FREM2: variants seen among roughly 807,000 people sequenced by gnomAD.
The protein encoded by FREM2 is FRAS1 related extracellular matrix 2, also known as FRAS1-related extracellular matrix protein 2.
A neutral mutation model predicts 219.9 loss-of-function variants in FREM2; 119 were observed. That is an observed-to-expected ratio of 0.54 (90% CI 0.47 to 0.63). The LOEUF is 0.63. Among genes scored for constraint, FREM2 ranks in the 30% least tolerant of loss-of-function variants. The pLI is 0.00. For synonymous variants in FREM2, 1,562 were observed against 1,522.8 expected (o/e 1.03, Z -0.60); for missense variants, 4,030 against 3,993.6 (o/e 1.01, Z -0.25).
intron 2 of FREM2, among the ~76,000 whole-genome samples, chr13:38,707,190 C>A (rs1472303491): frequency 1.3e-5 from 2 of 152,092 alleles, no homozygotes; most frequent in African/African-American, 2.4e-5. Context: ...AAACAGTGTA[C>A]CTTCAGATGG....
At chr13:38,819,987 G>A (rs1023344384) in intron 6 of FREM2, among the ~76,000 whole-genome samples, 4 of 152,074 alleles carry the variant, frequency 2.6e-5, no homozygotes, top group Non-Finnish European at 5.9e-5. Context: ...TTTACAAGAT[G>A]AAACAAGCTA....
At chr13:38,851,389 C>A (rs1034478115) in intron 10 of FREM2, among the ~76,000 whole-genome samples, 9 of 152,128 alleles carry the variant, frequency 5.9e-5, no homozygotes, top group African/African-American at 1.9e-4. Context: ...ACAGGGGGAC[C>A]AACAGTTTCC....
chr13:38,688,092 G>C lies in FREM2; in HGVS notation c.748G>C (p.Glu250Gln), dbSNP rs1242936361. The C allele has an allele frequency of 8.1e-6, 13 of 1,609,966 alleles. No homozygotes were observed. Among genetic ancestry groups the C allele is most frequent in the African/African-American group, 2.7e-5 (2 of 74,880 alleles). ...AGGAGCCAGAGAGGGAGGCGCCCCGGAGACTCTCCTGATGGACTGCAAAGC... is the reference window on the plus strand; with the variant it reads ...AGGAGCCAGAGAGGGAGGCGCCCCGCAGACTCTCCTGATGGACTGCAAAGC... ...PGGAREGGAPETLLMDCKAFQ... is the reference protein window; with the variant it reads ...PGGAREGGAPQTLLMDCKAFQ... The change falls in exon 1 of 24, where the codon GAG becomes CAG. Residue 250 changes from glutamate to glutamine, a missense_variant. Glu to Gln is a conservative substitution (Grantham distance 29, BLOSUM62 2). Around this residue, in one of 2 missense-constraint regions of FREM2, gnomAD observed 3,102 missense variants for 2,950.7 expected, o/e 1.05. Transcript: ENST00000280481.
chr13:38,863,344 A>C (rs1017063759), intron 15 of FREM2, among the ~76,000 whole-genome samples: 11 of 152,086 alleles, frequency 7.2e-5, no homozygotes, highest in African/African-American at 2.7e-4. Context: ...GCCACCACGC[A>C]TGGCCAGTTT....
rs1232845834 is a variant in FREM2 at position 38,883,329 on chromosome 13, A to AC, written c.*2545dup. 1 of 152,160 alleles carries AC rather than the reference A, an allele frequency of 6.6e-6. No homozygotes were observed. Among genetic ancestry groups the AC allele is most frequent in the East Asian group, 1.9e-4 (1 of 5,196 alleles). 9.4% of individuals were successfully genotyped at this position (152,160 alleles called of 1,614,324 possible). Reference sequence around the variant, plus strand: ...GTAAATTTTTTGTTAAATAAAATAGACCCTTATGTTTAGCATTTTGTTTTT... The same window carrying AC: ...GTAAATTTTTTGTTAAATAAAATAGACCCCTTATGTTTAGCATTTTGTTTTT... On this transcript the variant is annotated 3_prime_UTR_variant, in exon 24 of 24. Transcript: ENST00000280481.
rs77102726 is a variant in FREM2 at position 38,876,525 on chromosome 13, C to A, written c.8544+143C>A. 6,805 of 751,736 alleles carry A rather than the reference C, an allele frequency of 9.1e-3. 254 individuals carry two copies. In the East Asian group the frequency reaches 0.11, roughly 12 times the overall value. 46.6% of individuals were successfully genotyped at this position (751,736 alleles called of 1,614,324 possible). A position where few individuals can be genotyped will look rare whatever the true frequency, so the allele number is the denominator to read the frequency against. ...AAAAGAAATCAGACAGTTAAGGAAGCTAGGGATAAAAGAATGAGGAGAGAT... is the reference window on the plus strand; with the variant it reads ...AAAAGAAATCAGACAGTTAAGGAAGATAGGGATAAAAGAATGAGGAGAGAT... On this transcript the variant is annotated intron_variant, in intron 20 of 23. Coordinates refer to ENST00000280481, the MANE Select transcript of FREM2 (RefSeq NM_207361.6).
At chr13:38,734,225 A>C (rs1871887185) in intron 2 of FREM2, among the ~76,000 whole-genome samples, 1 of 152,124 alleles carries the variant, frequency 6.6e-6, no homozygotes, top group Admixed American at 6.5e-5. Flanking sequence ...ACATAACAAA[A>C]TAACATGTGT....
chr13:38,778,238 G>A (rs1873957159), intron 4 of FREM2, among the ~76,000 whole-genome samples: 1 of 152,124 alleles, frequency 6.6e-6, no homozygotes, highest in Non-Finnish European at 1.5e-5. Context: ...CCACAGACTG[G>A]GGTGGCTTAA....
At chr13:38,692,904 T>G (rs1472346372) in intron 1 of FREM2, among the ~76,000 whole-genome samples, 1 of 152,232 alleles carries the variant, frequency 6.6e-6, no homozygotes, top group Non-Finnish European at 1.5e-5. Context: ...AGGATGTGCT[T>G]TCTAAATACT....
rs537746132 is a variant in FREM2, at chr13:38,688,960, G to A, written c.1616G>A (p.Gly539Glu). 3 of 1,613,440 alleles carry A rather than the reference G, an allele frequency of 1.9e-6. No individual in the cohort carries two copies. The highest frequency in any genetic ancestry group is 3.3e-5 in the Admixed American group (2 of 59,948). ...SDNLVLRMVDGGGRHQVQFLF... is the reference protein window; with the variant it reads ...SDNLVLRMVDEGGRHQVQFLF... ...AACCTGGTGCTTCGCATGGTGGATG[G>A]AGGAGGCAGGCACCAGGTACAGTTT... is the stretch of plus-strand genomic sequence containing the variant. Residue 539 changes from glycine (G) to glutamate (E), a missense_variant, in exon 1 of 24, where the codon GGA becomes GAA. By Grantham distance (98) the Gly-to-Glu change is moderately conservative (BLOSUM62 -2). Coordinates refer to ENST00000280481, the MANE Select transcript of FREM2 (RefSeq NM_207361.6).
chr13:38,768,915 A>G (rs186211609), intron 3 of FREM2, among the ~76,000 whole-genome samples: 485 of 152,332 alleles, frequency 3.2e-3, no homozygotes, highest in African/African-American at 0.011. Context: ...TAAGCCAAGC[A>G]TACTGCTCAT....
chr13:38,746,343 T>C (rs189747325), intron 2 of FREM2, among the ~76,000 whole-genome samples: 1 of 152,268 alleles, frequency 6.6e-6, no homozygotes, highest in East Asian at 1.9e-4. Context: ...AGATTTGTAA[T>C]GATGTCTAGG....
At chr13:38,799,659 A>G (rs146001011) in intron 6 of FREM2, among the ~76,000 whole-genome samples, 98 of 152,080 alleles carry the variant, frequency 6.4e-4, no homozygotes, top group African/African-American at 2.3e-3. Flanking sequence ...TTGGGTGCAT[A>G]TGTATTTTGG....
At chr13:38,716,321 G>A (rs866841177) in intron 2 of FREM2, among the ~76,000 whole-genome samples, 2 of 151,998 alleles carry the variant, frequency 1.3e-5, no homozygotes, top group South Asian at 2.1e-4. Flanking sequence ...TTTCAAAATA[G>A]GTACTTATGC....
chr13:38,702,316 G>A (rs925771991), intron 2 of FREM2, among the ~76,000 whole-genome samples: 26 of 151,810 alleles, frequency 1.7e-4, no homozygotes, highest in Middle Eastern at 3.2e-3. Flanking sequence ...AAAACTTGTC[G>A]GTTTATTATT....
intron 2 of FREM2, among the ~76,000 whole-genome samples, chr13:38,754,892 G>GATTATTATT (rs1380525716): frequency 0.026 from 1,976 of 76,468 alleles, 14 homozygotes; most frequent in South Asian, 0.037. Flanking sequence ...TGATGATGAT[G>GATTATTATT]ATGATGATGA....
At chr13:38,810,702 T>A (rs192560322) in intron 6 of FREM2, among the ~76,000 whole-genome samples, 58 of 152,176 alleles carry the variant, frequency 3.8e-4, no homozygotes, top group Non-Finnish European at 6.2e-4. Context: ...TCAAATATAT[T>A]ATTAAATTTG....
intron 6 of FREM2, among the ~76,000 whole-genome samples, chr13:38,805,576 G>A (rs1403922847): frequency 2.6e-5 from 4 of 151,956 alleles, no homozygotes; most frequent in Non-Finnish European, 5.9e-5. Context: ...TCACATGTCT[G>A]ATGGTGGCAG....
chr13:38,727,212 A>T (rs1420728679), intron 2 of FREM2, among the ~76,000 whole-genome samples: 1 of 152,246 alleles, frequency 6.6e-6, no homozygotes, highest in African/African-American at 2.4e-5. Context: ...TTATTTCATC[A>T]TAAAAGTAAT....
Sources: allele counts gnomAD v4.1 joint callset (sites outside exome capture counted in the v4.1 genomes callset), GRCh38; gene constraint gnomAD v4.1.1; regional missense constraint gnomAD v4.1.1; transcripts MANE v1.5; gene names NCBI Gene and HGNC (gene_info 2026-07-23, HGNC 2026-07-21).